Variants in PDE3B observed in about 807,000 individuals in gnomAD.
The protein encoded by PDE3B is phosphodiesterase 3B, also known as cGMP-inhibited 3',5'-cyclic phosphodiesterase 3B.
Under a neutral mutation model 116.8 loss-of-function variants are expected in PDE3B, and 66 were observed. That is an observed-to-expected ratio of 0.56 (90% confidence interval 0.46 to 0.69). The LOEUF (loss-of-function observed/expected upper bound fraction) is 0.69, where lower values mean the gene tolerates loss of function less well. Among genes scored for constraint, PDE3B ranks in the 30% least tolerant of loss-of-function variants. The pLI is 0.00. For missense variants in PDE3B, 1,384 were observed against 1,368.1 expected (o/e 1.01, Z -0.18); for synonymous variants, 595 against 533.6 (o/e 1.12, Z -1.59).
intron 4 of PDE3B, among the ~76,000 whole-genome samples, chr11:14,799,642 A>T (rs1858680587): frequency 1.3e-5 from 2 of 151,092 alleles, no homozygotes; most frequent in African/African-American, 4.9e-5. Flanking sequence ...TATATTTAGG[A>T]TGGTTAGCTC....
chr11:14,766,875 A>G (rs1857512461), intron 1 of PDE3B, among the ~76,000 whole-genome samples: 1 of 151,716 alleles, frequency 6.6e-6, no homozygotes, highest in Admixed American at 6.6e-5. Context: ...TTCAGAGGTA[A>G]ACACAAAAAC....
At chr11:14,773,916 T>G (rs1043156105) in intron 2 of PDE3B, 1 of 152,256 alleles carries the variant, frequency 6.6e-6, no homozygotes, top group Non-Finnish European at 1.5e-5. Flanking sequence ...TTCTCATCAC[T>G]TTGGGATCTT....
chr11:14,880,524 G>A, the PDE3B span: 1 of 1,613,486 alleles, frequency 6.2e-7, no homozygotes, highest in Non-Finnish European at 8.5e-7. Flanking sequence ...GAAAATCGGT[G>A]TCTTCATAAG....
At chr11:14,771,602 A>G (rs1260165313) in intron 1 of PDE3B, among the ~76,000 whole-genome samples, 1 of 151,822 alleles carries the variant, frequency 6.6e-6, no homozygotes, top group Non-Finnish European at 1.5e-5. Flanking sequence ...GATGGTGGGT[A>G]GGCAGAGAAT....
At chr11:14,891,797 G>A in the PDE3B span, 1 of 1,411,866 alleles carries the variant, frequency 7.1e-7, no homozygotes, top group East Asian at 2.7e-5. Flanking sequence ...CCCTGCAAGG[G>A]GGCACGGCGT....
chr11:14,643,948 C>T lies in PDE3B; in HGVS notation c.-128C>T, dbSNP rs995930408. On this transcript the variant is annotated 5_prime_UTR_variant, in exon 1 of 16. Coordinates refer to ENST00000282096, the MANE Select transcript of PDE3B (RefSeq NM_000922.4). ...GGTGGGGACCCCGGGCCGTGGCGGC[C>T]GGCGCAGCCCTGACGGGTTGCGAAC... is the stretch of plus-strand genomic sequence containing the variant. 67 of 1,310,116 alleles carry T rather than the reference C, an allele frequency of 5.1e-5. No individual in the cohort carries two copies. Among genetic ancestry groups the T allele is most frequent in the Non-Finnish European group, 6.0e-5 (61 of 1,024,376 alleles). The allele number at this position is 1,310,116 out of a possible 1,614,324, so 81.2% of individuals were successfully genotyped here.
At chr11:14,748,326 A>G (rs144639948) in intron 1 of PDE3B, among the ~76,000 whole-genome samples, 1 of 152,192 alleles carries the variant, frequency 6.6e-6, no homozygotes, top group African/African-American at 2.4e-5. Flanking sequence ...GATTTGAGGC[A>G]GATGGCCTGA....
intron 1 of PDE3B, among the ~76,000 whole-genome samples, chr11:14,749,662 C>T (rs892733731): frequency 1.3e-5 from 2 of 151,374 alleles, no homozygotes; most frequent in African/African-American, 4.9e-5. Context: ...CTTCATATGT[C>T]ACAAAGGCCT....
chr11:14,723,367 A>G (rs1856180708), intron 1 of PDE3B, among the ~76,000 whole-genome samples: 1 of 152,202 alleles, frequency 6.6e-6, no homozygotes, highest in African/African-American at 2.4e-5. Context: ...GCCACTTACA[A>G]CATTTTGAAG....
chr11:14,860,014 C>G (rs1847917698), intron 13 of PDE3B, among the ~76,000 whole-genome samples: 1 of 152,094 alleles, frequency 6.6e-6, no homozygotes, highest in African/African-American at 2.4e-5. Flanking sequence ...GGTAGAGAAA[C>G]TGGTAACAAA....
chr11:14,864,149 G>T (rs1848000703), intron 14 of PDE3B, among the ~76,000 whole-genome samples: 1 of 152,160 alleles, frequency 6.6e-6, no homozygotes, highest in Admixed American at 6.5e-5. Context: ...AGCAGGGGTT[G>T]CAATCCTAGT....
chr11:14,689,502 A>T lies in PDE3B; in HGVS notation c.978+44449A>T, dbSNP rs149949205. 7.3e-3 allele frequency among the ~76,000 whole-genome samples: 1,110 copies of T among 152,226 alleles called. 14 individuals carry two copies. The highest frequency in any genetic ancestry group is 0.025 in the African/African-American group (1,055 of 41,552). ...GTGGAATTGATAGTCTAGTTACTAG[A>T]TTCTAGAGGGAGGATTATTTGCTTT... On this transcript the variant is annotated intron_variant, in intron 1 of 15. Coordinates refer to ENST00000282096, the MANE Select transcript of PDE3B (RefSeq NM_000922.4).
chr11:14,879,495 A>G, the PDE3B span: 2 of 1,384,894 alleles, frequency 1.4e-6, no homozygotes, highest in Non-Finnish European at 1.0e-6. Context: ...AATTATACCT[A>G]AAGTTATTTC....
At chr11:14,845,147 G>A (rs1238287087) in intron 12 of PDE3B, among the ~76,000 whole-genome samples, 1 of 151,980 alleles carries the variant, frequency 6.6e-6, no homozygotes, top group East Asian at 1.9e-4. Context: ...AAAACTTCCA[G>A]AGGAACGATC....
In PDE3B at chr11:14,714,543, A is replaced by G. The variant is rs75075524; in HGVS notation, c.979-57394A>G. Among the ~76,000 whole-genome samples, 282 of 150,354 alleles carry G rather than the reference A, an allele frequency of 1.9e-3. 1 individual carries two copies. The highest frequency in any genetic ancestry group is 6.3e-3 in the African/African-American group (258 of 41,266). On this transcript the variant is annotated intron_variant, in intron 1 of 15. Transcript: ENST00000282096. ...TGACCCAGCTAAACCCTGTCTCAAA[A>G]AAAAAAAAAAAAAAAAGAAATACAT...
intron 1 of PDE3B, among the ~76,000 whole-genome samples, chr11:14,741,569 G>A (rs780301269): frequency 3.1e-4 from 47 of 152,056 alleles, no homozygotes; most frequent in African/African-American, 1.1e-3. Flanking sequence ...CTTTTACTTG[G>A]GGCATTTAGC....
chr11:14,725,402 T>G (rs1273328982), intron 1 of PDE3B, among the ~76,000 whole-genome samples: 1 of 149,890 alleles, frequency 6.7e-6, no homozygotes, highest in Non-Finnish European at 1.5e-5. Context: ...CTTGCTTCCT[T>G]CTTTCTCTTT....
chr11:14,688,097 T>TCTCTCTCTCTCTC (rs1854928326), intron 1 of PDE3B, among the ~76,000 whole-genome samples: 1 of 115,758 alleles, frequency 8.6e-6, no homozygotes, highest in African/African-American at 3.8e-5. Context: ...CTTTCTTTCT[T>TCTCTCTCTCTCTC]TCTCTCTCTC....
rs781790783 is a variant in PDE3B, at chr11:14,861,201, A to G, written c.2725-4A>G. On this transcript the variant is annotated splice_polypyrimidine_tract_variant and splice_region_variant and intron_variant, in intron 13 of 15. Transcript: ENST00000282096. Reference sequence around the variant, plus strand: ...CCTAAAATGATGTTGTTTTTCCAAAATAGGCAAATGATGTAAATAGTAATG... The same window carrying G: ...CCTAAAATGATGTTGTTTTTCCAAAGTAGGCAAATGATGTAAATAGTAATG... 5.6e-6 allele frequency: 9 copies of G among 1,602,332 alleles called. No homozygotes were observed. Among genetic ancestry groups the G allele is most frequent in the Non-Finnish European group, 6.8e-6 (8 of 1,172,534 alleles).
Sources: allele counts gnomAD v4.1 joint callset (sites outside exome capture counted in the v4.1 genomes callset), GRCh38; gene constraint gnomAD v4.1.1; transcripts MANE v1.5; gene names NCBI Gene and HGNC (gene_info 2026-07-23, HGNC 2026-07-21).